FIP1L1: variants seen among roughly 807,000 people sequenced by gnomAD.
FIP1L1 encodes factor interacting with PAPOLA and CPSF1.
A neutral mutation model predicts 84.6 loss-of-function variants in FIP1L1; 21 were observed. The ratio of observed to expected loss-of-function variants is 0.25; its 90% CI spans 0.18 to 0.36. The LOEUF (loss-of-function observed/expected upper bound fraction) is 0.36. Ranked by LOEUF, FIP1L1 falls within the 10% of genes least tolerant of loss-of-function variation. The pLI, the probability that FIP1L1 is intolerant of heterozygous loss-of-function variation, is 1.00. For missense variants in FIP1L1, 526 were observed against 751.1 expected, an observed-to-expected ratio of 0.70 and a Z score of 3.50; for synonymous variants, 263 against 242.3, an observed-to-expected ratio of 1.09 and a Z score of -0.80.
Position 53,444,040 on chromosome 4 carries a change from T to C in FIP1L1, c.1230-8T>C. 1.3e-6 allele frequency: 2 copies of C among 1,596,736 alleles called. No homozygotes were observed. The highest frequency in any genetic ancestry group is 1.7e-6 in the Non-Finnish European group (2 of 1,165,720). On this transcript the variant is annotated splice_polypyrimidine_tract_variant and splice_region_variant and intron_variant, in intron 14 of 17. Transcript: ENST00000337488. ...CCAGACATAAAAATATATCTTTTTC[T>C]TCAACAGTGGACATTCCTCTGGTTA... is the stretch of plus-strand genomic sequence containing the variant.
Position 53,413,275 on chromosome 4 carries a change from T to C in FIP1L1, c.816-1340T>C, listed in dbSNP as rs578216003. On this transcript the variant is annotated intron_variant, in intron 10 of 17. Coordinates refer to ENST00000337488, the MANE Select transcript of FIP1L1 (RefSeq NM_030917.4). ...CCATTTTCAAAGGCACTCTGATTCC[T>C]TTTAGTGGGGAATGGTAATTAAAAA... 7.9e-5 allele frequency among the ~76,000 whole-genome samples: 12 copies of C among 152,164 alleles called. 1 individual carries two copies. The South Asian group carries it at 2.1e-3, about 26-fold the overall frequency.
chr4:53,410,983 C>T (rs1262397246), intron 10 of FIP1L1, among the ~76,000 whole-genome samples: 2 of 151,968 alleles, frequency 1.3e-5, no homozygotes, highest in African/African-American at 2.4e-5. Context: ...GGGGGGGCTG[C>T]TGTATATTTT....
chr4:53,437,980 C>T (rs868546515), intron 13 of FIP1L1, among the ~76,000 whole-genome samples: 3 of 152,048 alleles, frequency 2.0e-5, no homozygotes, highest in Non-Finnish European at 4.4e-5. Context: ...CTGCCTTGGC[C>T]TCCGGAAGTA....
At chr4:53,429,799 T>G (rs745704684) in intron 13 of FIP1L1, among the ~76,000 whole-genome samples, 22 of 152,328 alleles carry the variant, frequency 1.4e-4, no homozygotes, top group Non-Finnish European at 1.3e-4. Context: ...TTAACATTTT[T>G]TTGTGGAGAG....
chr4:53,394,909 A>G (rs1319273729), intron 9 of FIP1L1, among the ~76,000 whole-genome samples: 7 of 152,200 alleles, frequency 4.6e-5, no homozygotes. Flanking sequence ...AAACTTTTAC[A>G]AATGAAGCTG....
intron 10 of FIP1L1, among the ~76,000 whole-genome samples, chr4:53,403,662 T>C (rs1204585121): frequency 6.6e-6 from 1 of 152,170 alleles, no homozygotes; most frequent in African/African-American, 2.4e-5. Context: ...CAGATGAATA[T>C]GGCGGATGAG....
At chr4:53,439,086 G>A (rs372894463) in intron 13 of FIP1L1, among the ~76,000 whole-genome samples, 3 of 152,178 alleles carry the variant, frequency 2.0e-5, no homozygotes, top group Non-Finnish European at 1.5e-5. Context: ...AGTAGTGTCC[G>A]TATTGTTCTA....
intron 9 of FIP1L1, among the ~76,000 whole-genome samples, chr4:53,397,288 T>C (rs1260905722): frequency 1.3e-5 from 2 of 152,174 alleles, no homozygotes; most frequent in Non-Finnish European, 2.9e-5. Context: ...TTTTGGGTGG[T>C]TGAGTAGCTT....
chr4:53,438,404 T>A (rs1435097549), intron 13 of FIP1L1, among the ~76,000 whole-genome samples: 2 of 152,342 alleles, frequency 1.3e-5, no homozygotes, highest in South Asian at 4.1e-4. Flanking sequence ...TGATATCACG[T>A]ATCAGTTTGA....
Position 53,460,815 on chromosome 4 carries a change from C to CTT in FIP1L1, c.*1368_*1369dup. On this transcript the variant is annotated 3_prime_UTR_variant, in exon 18 of 18. Transcript: ENST00000337488. Reference sequence around the variant, plus strand: ...CTGACATTTTTACAATGTATTCTTTCTTTAAATATAAAAACTGACAAGATA... The same window carrying CTT: ...CTGACATTTTTACAATGTATTCTTTCTTTTTAAATATAAAAACTGACAAGATA... 2 of 1,243,768 alleles carry CTT rather than the reference C, an allele frequency of 1.6e-6. No homozygotes were observed. Among genetic ancestry groups the CTT allele is most frequent in the South Asian group, 1.5e-5 (1 of 68,618 alleles). The allele number at this position is 1,243,768 out of a possible 1,614,324, so 77.0% of individuals were successfully genotyped here.
chr4:53,434,704 G>A (rs1222987244), intron 13 of FIP1L1, among the ~76,000 whole-genome samples: 1 of 152,134 alleles, frequency 6.6e-6, no homozygotes, highest in East Asian at 1.9e-4. Context: ...CTGACCTCAA[G>A]TGATCCACCC....
intron 7 of FIP1L1, among the ~76,000 whole-genome samples, 164 bp downstream of exon 7, chr4:53,390,792 C>T (rs1039144593): frequency 1.3e-5 from 2 of 151,772 alleles, no homozygotes; most frequent in African/African-American, 4.8e-5. Context: ...TTACTGGTGG[C>T]CTTGTATTAC....
At chr4:53,416,833 A>T (rs1272140532) in intron 11 of FIP1L1, among the ~76,000 whole-genome samples, 1 of 152,008 alleles carries the variant, frequency 6.6e-6, no homozygotes, top group Non-Finnish European at 1.5e-5. Context: ...GCATTGTCAC[A>T]GTCACCTGTA....
chr4:53,377,936 C>A lies in FIP1L1; in HGVS notation c.85+13C>A, dbSNP rs573611370. On this transcript the variant is annotated intron_variant, in intron 1 of 17. Coordinates refer to ENST00000337488, the MANE Select transcript of FIP1L1 (RefSeq NM_030917.4). ...TGGCTCTATGGCGGTACGAAACTTC[C>A]TGTCTCTGTCTCTCGGGTTCTCTCA... 6.4e-6 allele frequency: 10 copies of A among 1,568,542 alleles called. No individual in the cohort carries two copies. The East Asian group carries it at 2.1e-4, about 33-fold the overall frequency.
At chr4:53,449,585 A>G (rs530239021) in intron 15 of FIP1L1, among the ~76,000 whole-genome samples, 25 of 152,038 alleles carry the variant, frequency 1.6e-4, no homozygotes, top group Admixed American at 2.6e-4. Context: ...ATTTCCCTTT[A>G]TTTATACTGC....
chr4:53,439,683 GT>G (rs372276778), intron 13 of FIP1L1, among the ~76,000 whole-genome samples: 157 of 151,926 alleles, frequency 1.0e-3, no homozygotes, highest in African/African-American at 3.7e-3. Context: ...TCATGAAAAA[GT>G]TACTTTAAAT....
intron 9 of FIP1L1, among the ~76,000 whole-genome samples, chr4:53,393,215 CAGAT>C (rs1175673074): frequency 2.2e-4 from 34 of 152,102 alleles, no homozygotes; most frequent in Non-Finnish European, 5.9e-5. Flanking sequence ...GGGTGTGAAA[CAGAT>C]AGGGAGCTGT....
chr4:53,459,231 A>C, intron 17 of FIP1L1, 71 bp from the exon 18 acceptor site: 1 of 1,067,992 alleles, frequency 9.4e-7, no homozygotes, highest in Non-Finnish European at 1.3e-6. Context: ...ATTTCCTTAG[A>C]GTGATTGGAT....
At chr4:53,394,483 T>A (rs970013615) in intron 9 of FIP1L1, among the ~76,000 whole-genome samples, 12 of 152,320 alleles carry the variant, frequency 7.9e-5, no homozygotes, top group African/African-American at 2.9e-4. Context: ...AGATAAGGTA[T>A]TCCAGTATTC....
Sources: gnomAD v4.1 joint callset for allele counts (sites outside exome capture counted in the v4.1 genomes callset) on GRCh38, gnomAD v4.1.1 for gene constraint, MANE v1.5 for transcripts, NCBI Gene and HGNC (gene_info 2026-07-23, HGNC 2026-07-21) for gene names.